The following ELFN1 variants were observed in gnomAD, a reference collection of about 807,000 sequenced individuals.
ELFN1 encodes protein ELFN1.
Under a neutral mutation model 7.6 loss-of-function variants are expected in ELFN1, and 6 were observed. The observed-to-expected ratio is 0.79, with a 90% CI of 0.43 to 1.56. The LOEUF is 1.56. Among genes scored for constraint, ELFN1 ranks in the 40% most tolerant of loss-of-function variants. The pLI is 0.01. For synonymous variants in ELFN1, 657 were observed against 588.1 expected (o/e 1.12, Z -1.70); for missense variants, 1,169 against 1,232.2 (o/e 0.95, Z 0.77).
At chr7:1,703,916 G>C (rs1779478633) in intron 2 of ELFN1, among the ~76,000 whole-genome samples, 1 of 152,222 alleles carries the variant, frequency 6.6e-6, no homozygotes, top group Non-Finnish European at 1.5e-5. Context: ...CGGACTGTGT[G>C]CTGGGGGGTT....
At chr7:1,722,761 AT>A (rs1362594103) in intron 3 of ELFN1, among the ~76,000 whole-genome samples, 3 of 152,226 alleles carry the variant, frequency 2.0e-5, no homozygotes, top group Non-Finnish European at 2.9e-5. Flanking sequence ...CCTTATAAAT[AT>A]TTTAAAGTTA....
chr7:1,705,921 C>T lies in ELFN1; in HGVS notation c.-455-3170C>T, dbSNP rs187347428. On this transcript the variant is annotated intron_variant, in intron 2 of 3. Coordinates refer to ENST00000424383, the MANE Select transcript of ELFN1 (RefSeq NM_001128636.4). The surrounding 1 kb of genome is among the most constrained non-coding windows in gnomAD (Gnocchi z 4.3). ...AGGTTCCCCAGCCTGCGGTTCCAGA[C>T]GAGATTGAACTGTGAGCCTTCACCC... 1.3e-3 allele frequency among the ~76,000 whole-genome samples: 193 copies of T among 152,288 alleles called. No individual in the cohort carries two copies. Among genetic ancestry groups the T allele is most frequent in the Non-Finnish European group, 1.8e-3 (125 of 68,022 alleles).
chr7:1,692,355 C>G (rs1779184976), intron 2 of ELFN1: 1 of 152,808 alleles, frequency 6.5e-6, no homozygotes, highest in Non-Finnish European at 1.5e-5. Context: ...AGGGCTGCTC[C>G]CTCTGGCCGT....
chr7:1,701,071 ATGTGTGCGTGTG>A (rs1486724704), intron 2 of ELFN1, among the ~76,000 whole-genome samples: 2 of 151,564 alleles, frequency 1.3e-5, no homozygotes, highest in African/African-American at 2.4e-5. Flanking sequence ...ATGCGTGTGT[ATGTGTGCGTGTG>A]TGTGTGCGCG....
In ELFN1 at chr7:1,746,149, C is replaced by G. The variant is rs1350743848; in HGVS notation, c.1553C>G (p.Pro518Arg). 2.6e-6 allele frequency: 4 copies of G among 1,549,090 alleles called. No homozygotes were observed. The highest frequency in any genetic ancestry group is 1.4e-5 in the African/African-American group (1 of 72,962). ...AAGCTGGTGGAGAGCGCGGACACCC[C>G]CAAGGCCAGCAAGGGCAGCTACATG... is the stretch of plus-strand genomic sequence containing the variant. ...QYKLVESADT[P>R]KASKGSYMEV... Residue 518 changes from proline (P) to arginine (R), a missense_variant, in exon 4 of 4, where the codon CCC becomes CGC. Physicochemically the swap from Pro to Arg is moderately radical, Grantham distance 103. This residue lies in a region of ELFN1 where 914 missense variants were observed against 872.6 expected (regional missense o/e 1.05). Transcript: ENST00000424383.
At chr7:1,691,243 G>A (rs1215331598) in intron 2 of ELFN1, among the ~76,000 whole-genome samples, 1 of 152,166 alleles carries the variant, frequency 6.6e-6, no homozygotes, top group East Asian at 1.9e-4. Context: ...AGGGGCCTCC[G>A]GGATGCCGAC....
chr7:1,737,658 C>T (rs1162423965), intron 3 of ELFN1, among the ~76,000 whole-genome samples: 1 of 152,154 alleles, frequency 6.6e-6, no homozygotes, highest in Non-Finnish European at 1.5e-5. Flanking sequence ...CACCTCCCCG[C>T]AGCCCTGTCC....
upstream of ELFN1, among the ~76,000 whole-genome samples, chr7:1,666,895 C>A (rs1415678576): frequency 2.0e-5 from 3 of 151,812 alleles, no homozygotes; most frequent in African/African-American, 7.3e-5. The surrounding 1 kb of genome is among the most constrained non-coding windows in gnomAD (Gnocchi z 7.9). Context: ...CTGCCGACCG[C>A]TGCGGAGCTC....
intron 3 of ELFN1, among the ~76,000 whole-genome samples, chr7:1,718,294 A>G (rs1779896595): frequency 6.6e-6 from 1 of 152,186 alleles, no homozygotes; most frequent in Admixed American, 6.5e-5. Context: ...TTCAATTAGT[A>G]AAGGAGGAAG....
chr7:1,745,829 C>T lies in ELFN1; in HGVS notation c.1233C>T (p.Ser411=), dbSNP rs372994834. ...CCAGCCCGCCTGGTCCGGTGCCCAG[C>T]CCCTCCACGGCCACCCACTACATCA... The part of the protein sequence containing the change: ...RLPSPPGPVP[S]PSTATHYIMT... Residue 411 remains serine, a synonymous_variant, in exon 4 of 4, where the codon AGC becomes AGT. Coordinates refer to ENST00000424383, the MANE Select transcript of ELFN1 (RefSeq NM_001128636.4). 822 of 1,577,060 alleles carry T rather than the reference C, an allele frequency of 5.2e-4. 5 individuals are homozygous for T. In the African/African-American group the frequency reaches 9.7e-3, roughly 19 times the overall value.
Position 1,745,550 on chromosome 7 carries a change from C to T in ELFN1, c.954C>T (p.Leu318=), listed in dbSNP as rs1562391633. The T allele has an allele frequency of 5.2e-6, 8 of 1,549,504 alleles. No homozygotes were observed. Among genetic ancestry groups the T allele is most frequent in the Middle Eastern group, 1.7e-4 (1 of 5,992 alleles). ...CCACGCAGGCCGAGGCCCGCCCCCT[C>T]ATCAAGGTCAAGCAGCTCACTCAGA... ...TLATQAEARP[L]IKVKQLTQNS... The change falls in exon 4 of 4, where the codon CTC becomes CTT. Residue 318 remains leucine, a synonymous_variant. Coordinates refer to ENST00000424383, the MANE Select transcript of ELFN1 (RefSeq NM_001128636.4).
chr7:1,669,597 C>T (rs989718865), upstream of ELFN1, among the ~76,000 whole-genome samples: 54 of 152,318 alleles, frequency 3.5e-4, no homozygotes, highest in Non-Finnish European at 6.5e-4. Context: ...GGGGCTTCCG[C>T]ACAGGCAGGT....
intron 3 of ELFN1, among the ~76,000 whole-genome samples, chr7:1,719,196 GCCACCAACAGGGCCCCGC>G (rs2128591686): frequency 9.1e-6 from 1 of 109,716 alleles, no homozygotes; most frequent in Admixed American, 9.2e-5. Flanking sequence ...CAGGACCCAA[GCCACCAACAGGGCCCCGC>G]CCACCAACAG....
chr7:1,746,415 G>T lies in ELFN1; in HGVS notation c.1819G>T (p.Ala607Ser). The change falls in exon 4 of 4, where the codon GCC becomes TCC. Residue 607 changes from alanine (A) to serine (S), a missense_variant. Ala to Ser is a moderately conservative substitution (Grantham distance 99). Coordinates refer to ENST00000424383, the MANE Select transcript of ELFN1 (RefSeq NM_001128636.4). ...PLVLLSEPLA[A>S]KHGFLAPGYK... ...GGTGCTGCTGTCCGAGCCGCTGGCC[G>T]CCAAGCACGGCTTCCTGGCGCCCGG... The T allele has an allele frequency of 6.5e-7, 1 of 1,533,858 alleles. No homozygotes were observed. The highest frequency in any genetic ancestry group is 8.8e-7 in the Non-Finnish European group (1 of 1,141,996).
At chr7:1,682,398 C>A (rs570977257) in intron 1 of ELFN1, among the ~76,000 whole-genome samples, 3 of 152,208 alleles carry the variant, frequency 2.0e-5, no homozygotes, top group African/African-American at 7.2e-5. Context: ...TCTGGACTCT[C>A]AATTCTATTC....
At chr7:1,733,003 C>T (rs7807536) in intron 3 of ELFN1, among the ~76,000 whole-genome samples, 2 of 152,098 alleles carry the variant, frequency 1.3e-5, no homozygotes, top group Non-Finnish European at 2.9e-5. Flanking sequence ...TGGGTTCAAG[C>T]GATTCTCCTG....
At chr7:1,720,922 C>G (rs1341434128) in intron 3 of ELFN1, among the ~76,000 whole-genome samples, 2 of 152,220 alleles carry the variant, frequency 1.3e-5, no homozygotes, top group East Asian at 3.8e-4. Flanking sequence ...TGCCTGGGCC[C>G]AGGTCCCAGC....
chr7:1,745,516 C>G lies in ELFN1; in HGVS notation c.920C>G (p.Pro307Arg). 1.9e-6 allele frequency: 3 copies of G among 1,545,978 alleles called. No homozygotes were observed. The highest frequency in any genetic ancestry group is 2.6e-6 in the Non-Finnish European group (3 of 1,146,828). The part of the protein sequence containing the change: ...GDGTTPLVAL[P>R]TLATQAEARP... ...GGCACCACGCCACTGGTGGCCCTGC[C>G]CACGCTGGCCACGCAGGCCGAGGCC... The change falls in exon 4 of 4, where the codon CCC (proline) becomes CGC (arginine). Residue 307 changes from proline (P) to arginine (R), a missense_variant. Physicochemically the swap from Pro to Arg is moderately radical, Grantham distance 103. Coordinates refer to ENST00000424383, the MANE Select transcript of ELFN1 (RefSeq NM_001128636.4).
chr7:1,741,146 A>AG lies in ELFN1; in HGVS notation c.-293-3158_-293-3157insG, dbSNP rs1207671383. On this transcript the variant is annotated intron_variant, in intron 3 of 3. Transcript: ENST00000424383. ...CTCTGTCTCAAAAAAAAAAAAAAAAAAAGAAGAAAGAAAACTTTGGGGTCC... is the reference window on the plus strand; with the variant it reads ...CTCTGTCTCAAAAAAAAAAAAAAAAAGAAGAAGAAAGAAAACTTTGGGGTCC... Among the ~76,000 whole-genome samples, 97 of 151,362 alleles carry AG rather than the reference A, an allele frequency of 6.4e-4. No homozygotes were observed. The Middle Eastern group carries it at 0.01, about 16-fold the overall frequency.
Sources: allele counts gnomAD v4.1 joint callset (sites outside exome capture counted in the v4.1 genomes callset), GRCh38; gene constraint gnomAD v4.1.1; regional missense constraint gnomAD v4.1.1; non-coding constraint Gnocchi (gnomAD v3.1); transcripts MANE v1.5; gene names NCBI Gene and HGNC (gene_info 2026-07-23, HGNC 2026-07-21).